IMMP2L: variants seen among roughly 807,000 people sequenced by gnomAD.
The protein encoded by IMMP2L is mitochondrial inner membrane protease subunit 2.
In IMMP2L, 18 loss-of-function variants were observed where a neutral mutation model predicts 19.3. The observed-to-expected ratio is 0.93, with a 90% CI of 0.64 to 1.38. The LOEUF is 1.38. Ranked by LOEUF, IMMP2L falls within the 40% of genes most tolerant of loss-of-function variation. The pLI, the probability that IMMP2L is intolerant of heterozygous loss-of-function variation, is 0.00. For missense variants in IMMP2L, 233 were observed against 218.2 expected (o/e 1.07, Z -0.43); for synonymous variants, 76 against 73.0 (o/e 1.04, Z -0.21).
chr7:111,460,432 G>C (rs142961133), intron 3 of IMMP2L, among the ~76,000 whole-genome samples: 3 of 151,868 alleles, frequency 2.0e-5, no homozygotes, highest in African/African-American at 7.2e-5. Flanking sequence ...TAACCTTTCA[G>C]AAAGTTAGAA....
intron 3 of IMMP2L, among the ~76,000 whole-genome samples, chr7:111,130,461 T>C (rs922928470): frequency 2.0e-5 from 3 of 152,130 alleles, no homozygotes; most frequent in African/African-American, 7.2e-5. Flanking sequence ...AATAGTATGA[T>C]GTGACCATTG....
At chr7:110,788,707 A>C (rs1800257336) in intron 5 of IMMP2L, among the ~76,000 whole-genome samples, 1 of 151,654 alleles carries the variant, frequency 6.6e-6, no homozygotes, top group African/African-American at 2.4e-5. Context: ...TTGCGCTCCG[A>C]TGCACACCTG....
At chr7:111,251,679 T>G (rs1370758088) in intron 3 of IMMP2L, among the ~76,000 whole-genome samples, 1 of 152,056 alleles carries the variant, frequency 6.6e-6, no homozygotes, top group African/African-American at 2.4e-5. Flanking sequence ...TATTTATAAA[T>G]GGGAGCTGAA....
intron 5 of IMMP2L, among the ~76,000 whole-genome samples, chr7:110,846,948 G>A (rs1043992603): frequency 3.3e-5 from 5 of 152,048 alleles, no homozygotes; most frequent in African/African-American, 1.2e-4. Context: ...GCTATTATTA[G>A]AGTCAAAGGT....
chr7:111,171,341 G>T (rs1029759105), intron 3 of IMMP2L, among the ~76,000 whole-genome samples: 1 of 151,584 alleles, frequency 6.6e-6, no homozygotes, highest in Non-Finnish European at 1.5e-5. Context: ...AAACTCACTA[G>T]GGTAGCATAA....
At chr7:110,888,214 T>C (rs189692553) in intron 4 of IMMP2L, among the ~76,000 whole-genome samples, 3 of 152,294 alleles carry the variant, frequency 2.0e-5, no homozygotes, top group African/African-American at 4.8e-5. Context: ...GTTGAACACA[T>C]CTTACCATCA....
At chr7:111,173,044 G>C (rs184256977) in intron 3 of IMMP2L, among the ~76,000 whole-genome samples, 40 of 151,690 alleles carry the variant, frequency 2.6e-4, no homozygotes, top group African/African-American at 9.4e-4. Context: ...CATGAAGTCA[G>C]TAAGAATTCC....
chr7:111,019,597 T>G (rs1251832580), intron 3 of IMMP2L, among the ~76,000 whole-genome samples: 4 of 152,196 alleles, frequency 2.6e-5, no homozygotes, highest in Non-Finnish European at 5.9e-5. Context: ...ACACAAGGTC[T>G]TCTGTCTTCC....
chr7:111,202,532 C>G (rs1476160775), intron 3 of IMMP2L, among the ~76,000 whole-genome samples: 1 of 152,146 alleles, frequency 6.6e-6, no homozygotes, highest in African/African-American at 2.4e-5. Context: ...GTGAACCCAG[C>G]CAGCAATTCA....
intron 5 of IMMP2L, among the ~76,000 whole-genome samples, chr7:110,685,191 A>C (rs553435370): frequency 1.3e-5 from 2 of 152,216 alleles, no homozygotes; most frequent in South Asian, 2.1e-4. Flanking sequence ...CCATAATGTA[A>C]AGACAGTCCA....
At chr7:110,871,237 A>T (rs1266622275) in intron 5 of IMMP2L, among the ~76,000 whole-genome samples, 2 of 152,144 alleles carry the variant, frequency 1.3e-5, no homozygotes, top group Non-Finnish European at 2.9e-5. Context: ...GTTAAATTCA[A>T]GATGTTTCTT....
intron 5 of IMMP2L, among the ~76,000 whole-genome samples, chr7:110,837,767 T>C (rs1563012853): frequency 6.6e-6 from 1 of 152,136 alleles, no homozygotes; most frequent in Non-Finnish European, 1.5e-5. Flanking sequence ...GGAAGGGTAA[T>C]GTTTACTGAA....
chr7:111,304,312 A>G (rs1250399350), intron 3 of IMMP2L, among the ~76,000 whole-genome samples: 1 of 152,106 alleles, frequency 6.6e-6, no homozygotes, highest in Non-Finnish European at 1.5e-5. Flanking sequence ...TAAGTGCCAC[A>G]GAATCTACAG....
At chr7:111,499,677 T>G (rs1181721397) in intron 2 of IMMP2L, among the ~76,000 whole-genome samples, 3 of 152,166 alleles carry the variant, frequency 2.0e-5, no homozygotes, top group Non-Finnish European at 2.9e-5. Flanking sequence ...GCAGCATGTG[T>G]TGTCAAGGCC....
intron 3 of IMMP2L, among the ~76,000 whole-genome samples, chr7:111,337,287 T>G (rs2130745725): frequency 6.6e-6 from 1 of 152,252 alleles, no homozygotes; most frequent in South Asian, 2.1e-4. Context: ...TTGATTTGCC[T>G]ATCTTTTAAA....
At chr7:111,162,071 C>T (rs192792472) in intron 3 of IMMP2L, among the ~76,000 whole-genome samples, 124 of 152,150 alleles carry the variant, frequency 8.1e-4, no homozygotes, top group South Asian at 4.1e-3. Context: ...GGTTAACACA[C>T]TAAAATTGTT....
At position 111,503,144 on chromosome 7, in the gene IMMP2L, A is replaced by C. The variant is rs369641148; in HGVS notation, c.136-15803T>G. ...TAAAAAATGATAAAGGGGATATCAC[A>C]ACCGATCCCACAGAAATACAAACTA... On this transcript the variant is annotated intron_variant, in intron 2 of 5. Transcript: ENST00000405709. Among the ~76,000 whole-genome samples the C allele has an allele frequency of 3.4e-3, 523 of 152,106 alleles. 5 individuals carry two copies. The highest frequency in any genetic ancestry group is 9.1e-3 in the Admixed American group (139 of 15,260).
Position 110,728,364 on chromosome 7 carries a change from TG to T in IMMP2L, c.409-64644del, listed in dbSNP as rs1796038395. 6.6e-6 allele frequency among the ~76,000 whole-genome samples: 1 copy of T among 151,810 alleles called. No homozygotes were observed. Among genetic ancestry groups the T allele is most frequent in the African/African-American group, 2.4e-5 (1 of 41,274 alleles). On this transcript the variant is annotated intron_variant, in intron 5 of 5. Coordinates refer to ENST00000405709, the MANE Select transcript of IMMP2L (RefSeq NM_032549.4). The surrounding 1 kb of genome is among the most constrained non-coding windows in gnomAD (Gnocchi z 4.6). The stretch of plus-strand genomic sequence containing the variant: ...ATATATAAAAATTAGCTGGGCATAG[TG>T]GTGTGTGCCTGTAAACCCAGCTACT...
chr7:111,259,236 T>G (rs1465026860), intron 3 of IMMP2L, among the ~76,000 whole-genome samples: 1 of 151,980 alleles, frequency 6.6e-6, no homozygotes, highest in Non-Finnish European at 1.5e-5. Context: ...AATCAGTGAG[T>G]GAGTGGTGAG....
Sources: gnomAD v4.1 joint callset for allele counts (sites outside exome capture counted in the v4.1 genomes callset) on GRCh38, gnomAD v4.1.1 for gene constraint, Gnocchi (gnomAD v3.1) non-coding constraint, MANE v1.5 for transcripts, NCBI Gene and HGNC (gene_info 2026-07-23, HGNC 2026-07-21) for gene names.